The following PLCB3 variants were observed in gnomAD, a reference collection of about 807,000 sequenced individuals.
The protein encoded by PLCB3 is phospholipase C beta 3.
Under a neutral mutation model 152.1 loss-of-function variants are expected in PLCB3, and 54 were observed. The observed-to-expected ratio is 0.36, with a 90% CI of 0.29 to 0.45. PLCB3 has a LOEUF of 0.45. PLCB3 is among the 20% of genes least tolerant of loss of function. The pLI, the probability that PLCB3 is intolerant of heterozygous loss-of-function variation, is 1.00. For missense variants in PLCB3, 1,248 were observed against 1,687.5 expected, an observed-to-expected ratio of 0.74 and a Z score of 4.56; for synonymous variants, 717 against 698.7, an observed-to-expected ratio of 1.03 and a Z score of -0.41.
rs760061612 is a variant in PLCB3 at position 64,262,797 on chromosome 11, G to A, written c.2344G>A (p.Asp782Asn). 6 of 1,613,366 alleles carry A rather than the reference G, an allele frequency of 3.7e-6. No homozygotes were observed. Among genetic ancestry groups the A allele is most frequent in the African/African-American group, 2.7e-5 (2 of 75,042 alleles). Residue 782 changes from aspartate to asparagine, a missense_variant, in exon 19 of 31, where the codon GAC (aspartate) becomes AAC (asparagine). By Grantham distance (23) the Asp-to-Asn change is conservative. Transcript: ENST00000279230. ...CCCCGTGTGGGACGAAGAGCCCTTC[G>A]ACTTCCCCAAGGTGAGCCTGGCCCC... ...FNPVWDEEPF[D>N]FPKVVLPTLA...
chr11:64,266,496 G>T lies in PLCB3; in HGVS notation c.3358G>T (p.Glu1120Ter), dbSNP rs1565339029. 1.2e-6 allele frequency: 2 copies of T among 1,613,756 alleles called. No homozygotes were observed. The highest frequency in any genetic ancestry group is 1.7e-6 in the Non-Finnish European group (2 of 1,179,852). The change falls in exon 29 of 31, where the codon GAA (glutamate) becomes TAA (stop). Residue 1120 changes from glutamate to a stop codon, truncating the protein, a stop_gained and splice_region_variant. Transcript: ENST00000279230. LOFTEE classifies it high-confidence loss of function. This position sits in a 1 kb window ranked among gnomAD's most constrained non-coding sequence, Gnocchi z 4.9. ...KMRDKHKKEA[E>*]LTEINRRHIT... is the part of the protein sequence containing the mutation. ...CCATCCTGCGTTGCTCCCGTGCAGG[G>T]AACTGACGGAGATTAACCGTCGGCA...
At position 64,254,744 on chromosome 11, in the gene PLCB3, C is replaced by T. The variant is rs771973454; in HGVS notation, c.178-4C>T. On this transcript the variant is annotated splice_region_variant and splice_polypyrimidine_tract_variant and intron_variant, in intron 2 of 30. Transcript: ENST00000279230. ...TACTCAGCCTGGCATCTGGTTCCCC[C>T]CAGGAGGTGGACACACTGGACATCA... 33 of 1,612,480 alleles carry T rather than the reference C, an allele frequency of 2.0e-5. No homozygotes were observed. The highest frequency in any genetic ancestry group is 2.4e-5 in the Non-Finnish European group (28 of 1,179,822).
downstream of PLCB3, chr11:64,269,132 G>C (rs1453521198): frequency 6.6e-6 from 1 of 152,440 alleles, no homozygotes; most frequent in Non-Finnish European, 1.5e-5. Flanking sequence ...TTCTGGGTGT[G>C]ACATTCCAGC....
Position 64,252,976 on chromosome 11 carries a change from T to A in PLCB3, c.99+1228T>A, listed in dbSNP as rs189909465. Among the ~76,000 whole-genome samples the A allele has an allele frequency of 1.4e-4, 21 of 152,196 alleles. 1 individual carries two copies. In the East Asian group the frequency reaches 3.9e-3, roughly 28 times the overall value. On this transcript the variant is annotated intron_variant, in intron 1 of 30. Transcript: ENST00000279230. ...CGGGGGCCTCAGGCCCAGGGTAGGG[T>A]TGGGAATCCGGAGAAGTGCTGGGGC...
At position 64,265,517 on chromosome 11, in the gene PLCB3, C is replaced by G; in HGVS notation, c.3035+15C>G. On this transcript the variant is annotated intron_variant, in intron 25 of 30. Transcript: ENST00000279230. ...CCAGGTGCCCTGTGAGTGTCTGGGC[C>G]GCCTGTGTGCTATGTGTGCTGGGTG... 1.3e-6 allele frequency: 2 copies of G among 1,586,716 alleles called. No individual in the cohort carries two copies. The highest frequency in any genetic ancestry group is 1.7e-6 in the Non-Finnish European group (2 of 1,171,812).
At chr11:64,257,873 G>A (rs1167581320) in intron 10 of PLCB3, among the ~76,000 whole-genome samples, 8 of 152,094 alleles carry the variant, frequency 5.3e-5, no homozygotes, top group African/African-American at 1.7e-4. Flanking sequence ...TTGGATTGAG[G>A]CCAGGCACAG....
intron 22 of PLCB3, 80 bp downstream of exon 22, chr11:64,264,192 G>A (rs2031998406): frequency 2.1e-6 from 2 of 939,982 alleles, no homozygotes; most frequent in East Asian, 2.5e-5. Flanking sequence ...CACATGAGGA[G>A]GGGGCTTCTG....
rs1461557484 is a variant in PLCB3 at position 64,255,211 on chromosome 11, C to A, written c.388-23C>A. The A allele has an allele frequency of 1.3e-6, 2 of 1,599,770 alleles. No homozygotes were observed. Among genetic ancestry groups the A allele is most frequent in the Admixed American group, 1.7e-5 (1 of 59,944 alleles). The stretch of plus-strand genomic sequence containing the variant: ...CCCCTGTGTCCCCCACTCACCGCCT[C>A]CCCGTGTATACTGGCCCCCCAGGTC... On this transcript the variant is annotated intron_variant, in intron 4 of 30. Transcript: ENST00000279230. This position sits in a 1 kb window ranked among gnomAD's most constrained non-coding sequence, Gnocchi z 6.8.
At chr11:64,259,424 C>T (rs1192665670) in intron 13 of PLCB3, among the ~76,000 whole-genome samples, 180 bp downstream of exon 13, 1 of 152,174 alleles carries the variant, frequency 6.6e-6, no homozygotes, top group African/African-American at 2.4e-5. Context: ...TGACCCCTGA[C>T]CTCAGGTGCA....
rs372522402 is a variant in PLCB3 at position 64,255,347 on chromosome 11, G to A, written c.467+34G>A. On this transcript the variant is annotated intron_variant, in intron 5 of 30. Coordinates refer to ENST00000279230, the MANE Select transcript of PLCB3 (RefSeq NM_000932.5). The surrounding 1 kb of genome is among the most constrained non-coding windows in gnomAD (Gnocchi z 6.8). ...CAGGCCACCCGAGGGGGAGCCGGGG[G>A]GTTCACGTGGCCGTTTTCAGGGTGT... The A allele has an allele frequency of 5.6e-6, 9 of 1,613,668 alleles. No homozygotes were observed. Among genetic ancestry groups the A allele is most frequent in the South Asian group, 5.5e-5 (5 of 91,078 alleles).
At position 64,255,639 on chromosome 11, in the gene PLCB3, C is replaced by CACGGGGGG; in HGVS notation, c.597+23_597+24insACGGGGGG. The CACGGGGGG allele has an allele frequency of 3.1e-6, 2 of 645,428 alleles. No individual in the cohort carries two copies. Among genetic ancestry groups the CACGGGGGG allele is most frequent in the Non-Finnish European group, 5.4e-6 (2 of 370,682 alleles). The allele number at this position is 645,428 out of a possible 1,614,324, so 40.0% of individuals were successfully genotyped here. ...CGGGTGTGTGGGGTGGGGACAGGGG[C>CACGGGGGG]GGGGTGGGGTGTCACGGTGGGCACC... On this transcript the variant is annotated intron_variant, in intron 7 of 30. Transcript: ENST00000279230. This position sits in a 1 kb window ranked among gnomAD's most constrained non-coding sequence, Gnocchi z 6.8.
rs1555061406 is a variant in PLCB3 at position 64,257,016 on chromosome 11, T to TTC, written c.1012+253_1012+254insCT. On this transcript the variant is annotated intron_variant, in intron 10 of 30. Coordinates refer to ENST00000279230, the MANE Select transcript of PLCB3 (RefSeq NM_000932.5). ...AGGGTCCTTTTTTTTTTTTTTTTTTTTTTTTGAGACAGAGTTTCGCTCTTG... is the reference window on the plus strand; with the variant it reads ...AGGGTCCTTTTTTTTTTTTTTTTTTTTCTTTTTGAGACAGAGTTTCGCTCTTG... Among the ~76,000 whole-genome samples, 96 of 120,692 alleles carry TTC rather than the reference T, an allele frequency of 8.0e-4. 7 individuals carry two copies. The highest frequency in any genetic ancestry group is 1.0e-3 in the Non-Finnish European group (59 of 57,108). The allele number at this position is 120,692 out of a possible 152,430, so 79.2% of individuals were successfully genotyped here.
rs1448267874 is a variant in PLCB3, at chr11:64,264,829, C to T, written c.2653-122C>T. The T allele has an allele frequency of 7.0e-6, 6 of 860,984 alleles. No homozygotes were observed. The East Asian group carries it at 1.5e-4, about 21-fold the overall frequency. The allele number at this position is 860,984 out of a possible 1,614,324, so 53.3% of individuals were successfully genotyped here. ...GACAGCCTCCTGTTACAGAGCAGTCCAGCAGTGGCTTGGACTAAGGGAGGC... is the reference window on the plus strand; with the variant it reads ...GACAGCCTCCTGTTACAGAGCAGTCTAGCAGTGGCTTGGACTAAGGGAGGC... On this transcript the variant is annotated intron_variant, in intron 22 of 30. Coordinates refer to ENST00000279230, the MANE Select transcript of PLCB3 (RefSeq NM_000932.5).
At chr11:64,263,934 T>G (rs2031983058) in intron 21 of PLCB3, 87 bp from the exon 22 acceptor site, 1 of 1,225,222 alleles carries the variant, frequency 8.2e-7, no homozygotes, top group Non-Finnish European at 1.2e-6. Context: ...GGACAAGCTC[T>G]GGAATTCCTC....
rs2031652502 is a variant in PLCB3, at chr11:64,258,398, T to C, written c.1013-75T>C. The C allele has an allele frequency of 3.3e-6, 5 of 1,536,292 alleles. No individual in the cohort carries two copies. Among genetic ancestry groups the C allele is most frequent in the Non-Finnish European group, 3.5e-6 (4 of 1,138,368 alleles). On this transcript the variant is annotated intron_variant, in intron 10 of 30. Coordinates refer to ENST00000279230, the MANE Select transcript of PLCB3 (RefSeq NM_000932.5). This position sits in a 1 kb window ranked among gnomAD's most constrained non-coding sequence, Gnocchi z 7.2. ...AGCCCTCTGCAAATCCAGCATGTCCTGGTTCCAGGTGGGGCCGGGGTGGTG... is the reference window on the plus strand; with the variant it reads ...AGCCCTCTGCAAATCCAGCATGTCCCGGTTCCAGGTGGGGCCGGGGTGGTG...
chr11:64,262,925 G>A, intron 19 of PLCB3, 117 bp downstream of exon 19: 2 of 1,104,476 alleles, frequency 1.8e-6, no homozygotes, highest in East Asian at 2.4e-5. Flanking sequence ...TCAGAAAGTG[G>A]GGGGTGCCAT....
At chr11:64,259,944 C>T (rs1322602386) in intron 13 of PLCB3, 85 bp from the exon 14 acceptor site, 14 of 1,140,500 alleles carry the variant, frequency 1.2e-5, no homozygotes, top group Admixed American at 1.1e-4. Context: ...TGAGTCACCT[C>T]GGCACACACT....
chr11:64,261,203 G>A (rs1323264751), intron 14 of PLCB3, among the ~76,000 whole-genome samples, 197 bp from the exon 15 acceptor site: 1 of 152,240 alleles, frequency 6.6e-6, no homozygotes, highest in Non-Finnish European at 1.5e-5. Context: ...TACTTGGGAG[G>A]CTGAGGCAGG....
chr11:64,251,611 C>G lies in PLCB3; in HGVS notation c.-39C>G, dbSNP rs1286764551. The stretch of plus-strand genomic sequence containing the variant: ...GAGCAGCGGCGCCGTCGGTCCCCGT[C>G]AGGGCTCCGTGGGTCCCCGACCCGC... On this transcript the variant is annotated 5_prime_UTR_variant, in exon 1 of 31. Transcript: ENST00000279230. 1.4e-5 allele frequency: 16 copies of G among 1,161,582 alleles called. No homozygotes were observed. Among genetic ancestry groups the G allele is most frequent in the African/African-American group, 3.3e-5 (2 of 61,398 alleles). 72.0% of individuals were successfully genotyped at this position (1,161,582 alleles called of 1,614,324 possible).
Sources: gnomAD v4.1 joint callset for allele counts (sites outside exome capture counted in the v4.1 genomes callset) on GRCh38, gnomAD v4.1.1 for gene constraint, Gnocchi (gnomAD v3.1) non-coding constraint, MANE v1.5 for transcripts, NCBI Gene and HGNC (gene_info 2026-07-23, HGNC 2026-07-21) for gene names.